KCNT2: variants seen among roughly 807,000 people sequenced by gnomAD.
KCNT2 encodes potassium channel subfamily T member 2.
In KCNT2, 67 loss-of-function variants were observed where a neutral mutation model predicts 153.8. That is an observed-to-expected ratio of 0.44 (90% CI 0.36 to 0.53). KCNT2 has a LOEUF of 0.53. KCNT2 is among the 20% of genes least tolerant of loss of function. The pLI is 0.00. For missense variants in KCNT2, 975 were observed against 1,354.8 expected (o/e 0.72, Z 4.40); for synonymous variants, 500 against 458.8 (o/e 1.09, Z -1.15).
chr1:196,448,624 T>A (rs1360566802), intron 8 of KCNT2, among the ~76,000 whole-genome samples: 5 of 151,782 alleles, frequency 3.3e-5, no homozygotes, highest in African/African-American at 1.2e-4. Flanking sequence ...CTGTTTCTGT[T>A]ATAATAATCC....
chr1:196,445,483 A>T (rs1557944370), intron 8 of KCNT2, among the ~76,000 whole-genome samples: 1 of 151,448 alleles, frequency 6.6e-6, no homozygotes. Flanking sequence ...GTACAGCTTA[A>T]CATGTCTCTT....
intron 1 of KCNT2, among the ~76,000 whole-genome samples, chr1:196,516,250 C>T (rs1362137774): frequency 6.6e-6 from 1 of 150,938 alleles, no homozygotes; most frequent in Non-Finnish European, 1.5e-5. Flanking sequence ...GGCAGGCCAC[C>T]ATCTTTGCTG....
chr1:196,564,327 C>A (rs1407066099), intron 1 of KCNT2, among the ~76,000 whole-genome samples: 1 of 151,694 alleles, frequency 6.6e-6, no homozygotes, highest in Non-Finnish European at 1.5e-5. Flanking sequence ...TTGCAAATTA[C>A]AAAACACTGA....
chr1:196,501,440 A>C (rs1187572854), intron 1 of KCNT2, among the ~76,000 whole-genome samples: 1 of 152,226 alleles, frequency 6.6e-6, no homozygotes, highest in African/African-American at 2.4e-5. Context: ...TATCTTTTTC[A>C]GCAACATGAA....
chr1:196,267,007 T>A (rs1657604713), intron 25 of KCNT2, among the ~76,000 whole-genome samples: 1 of 152,182 alleles, frequency 6.6e-6, no homozygotes, highest in Admixed American at 6.5e-5. Flanking sequence ...CAGATCCCGA[T>A]CCCCACAGTT....
At chr1:196,385,205 A>G (rs1225295353) in intron 13 of KCNT2, among the ~76,000 whole-genome samples, 2 of 151,970 alleles carry the variant, frequency 1.3e-5, no homozygotes, top group East Asian at 1.9e-4. Context: ...AGCCCACACA[A>G]CTCTTCAATA....
intron 8 of KCNT2, among the ~76,000 whole-genome samples, chr1:196,457,650 C>T (rs946517663): frequency 1.3e-5 from 2 of 151,864 alleles, no homozygotes; most frequent in Non-Finnish European, 2.9e-5. Flanking sequence ...ACCTAGATAG[C>T]ACGCACTTGG....
intron 1 of KCNT2, among the ~76,000 whole-genome samples, chr1:196,565,547 T>C (rs764304439): frequency 4.0e-5 from 6 of 151,164 alleles, no homozygotes; most frequent in Non-Finnish European, 8.9e-5. Context: ...TGTCCACCAA[T>C]GGATGAAAAC....
chr1:196,488,948 A>G lies in KCNT2; in HGVS notation c.275+890T>C, dbSNP rs371355665. On this transcript the variant is annotated intron_variant, in intron 3 of 27. Transcript: ENST00000294725. ...AGCACCCAGAAGATACTCCTAAGCCAGAGTGGAACTGGGCTACAAGGCACA... is the reference window on the plus strand; with the variant it reads ...AGCACCCAGAAGATACTCCTAAGCCGGAGTGGAACTGGGCTACAAGGCACA... Among the ~76,000 whole-genome samples, 7 of 152,186 alleles carry G rather than the reference A, an allele frequency of 4.6e-5. No homozygotes were observed. In the East Asian group the frequency reaches 7.7e-4, roughly 17 times the overall value.
intron 1 of KCNT2, among the ~76,000 whole-genome samples, chr1:196,504,190 C>A (rs906152458): frequency 1.3e-5 from 2 of 151,530 alleles, no homozygotes; most frequent in Non-Finnish European, 1.5e-5. Flanking sequence ...CCCATTAACG[C>A]GTCATCTAGC....
chr1:196,313,456 A>T (rs1216572796), intron 21 of KCNT2, among the ~76,000 whole-genome samples: 1 of 151,610 alleles, frequency 6.6e-6, no homozygotes, highest in Non-Finnish European at 1.5e-5. Context: ...ATAGTAAATC[A>T]GGAACTAAAA....
At chr1:196,383,298 G>A (rs1402043160) in intron 13 of KCNT2, among the ~76,000 whole-genome samples, 1 of 152,108 alleles carries the variant, frequency 6.6e-6, no homozygotes, top group Non-Finnish European at 1.5e-5. Flanking sequence ...TTTTGATATA[G>A]CCCAAACTAT....
At chr1:196,478,696 C>T (rs959918361) in intron 5 of KCNT2, among the ~76,000 whole-genome samples, 2 of 152,024 alleles carry the variant, frequency 1.3e-5, no homozygotes, top group Admixed American at 1.3e-4. Flanking sequence ...CTGTAACCTC[C>T]CCTTTCTTGA....
chr1:196,258,175 T>C lies in KCNT2; in HGVS notation c.3211+19A>G, dbSNP rs1435714080. The C allele has an allele frequency of 2.5e-6, 4 of 1,610,682 alleles. No individual in the cohort carries two copies. In the East Asian group the frequency reaches 8.9e-5, roughly 36 times the overall value. On this transcript the variant is annotated intron_variant, in intron 26 of 27. Coordinates refer to ENST00000294725, the MANE Select transcript of KCNT2 (RefSeq NM_198503.5). ...AGAAATCACGAGTCCATATATACAG[T>C]AGTTTTTAAAGAGCATACCATATCC...
intron 14 of KCNT2, among the ~76,000 whole-genome samples, chr1:196,347,476 C>A (rs1666241739): frequency 6.6e-6 from 1 of 152,152 alleles, no homozygotes; most frequent in Non-Finnish European, 1.5e-5. Flanking sequence ...ATCATCAATT[C>A]TTACACCTTT....
chr1:196,285,994 G>C (rs1020325172), intron 22 of KCNT2, among the ~76,000 whole-genome samples: 3 of 151,896 alleles, frequency 2.0e-5, no homozygotes, highest in African/African-American at 7.3e-5. Context: ...TGTACATTAA[G>C]CATGTATTTA....
Position 196,423,111 on chromosome 1 carries a change from A to G in KCNT2, c.1124T>C (p.Met375Thr). The G allele has an allele frequency of 6.3e-7, 1 of 1,596,378 alleles. No individual in the cohort carries two copies. Among genetic ancestry groups the G allele is most frequent in the Admixed American group, 1.7e-5 (1 of 59,032 alleles). The change falls in exon 12 of 28, where the codon ATG (methionine) becomes ACG (threonine). Residue 375 changes from methionine to threonine, a missense_variant and splice_region_variant. Physicochemically the swap from Met to Thr is moderately conservative, Grantham distance 81. This residue lies in a region of KCNT2 where 202 missense variants were observed against 314.9 expected (regional missense o/e 0.64). Coordinates refer to ENST00000294725, the MANE Select transcript of KCNT2 (RefSeq NM_198503.5). ...AATAAAACAGGCCTCAGCGTCATCC[A>G]TCCTAAATACAGATGGAAAAACAAA... ...LKDQDLLRAK[M>T]DDAEACFILS...
At chr1:196,412,327 A>G (rs1572362093) in intron 12 of KCNT2, among the ~76,000 whole-genome samples, 1 of 151,686 alleles carries the variant, frequency 6.6e-6, no homozygotes, top group East Asian at 1.9e-4. Context: ...GAAATGTTTT[A>G]CTGTTTTGTT....
At chr1:196,524,393 G>A (rs536302431) in intron 1 of KCNT2, among the ~76,000 whole-genome samples, 4 of 152,246 alleles carry the variant, frequency 2.6e-5, no homozygotes, top group African/African-American at 9.6e-5. Flanking sequence ...TTTCCAGAGA[G>A]GAATCAGGAA....
Sources: allele counts gnomAD v4.1 joint callset (sites outside exome capture counted in the v4.1 genomes callset), GRCh38; gene constraint gnomAD v4.1.1; regional missense constraint gnomAD v4.1.1; transcripts MANE v1.5; gene names NCBI Gene and HGNC (gene_info 2026-07-23, HGNC 2026-07-21).